Variants in ADGRB3 observed in about 807,000 individuals in gnomAD.
ADGRB3 encodes the protein adhesion G protein-coupled receptor B3, also known as brain-specific angiogenesis inhibitor 3.
A neutral mutation model predicts 193.4 loss-of-function variants in ADGRB3; 37 were observed. The observed-to-expected ratio is 0.19, with a 90% confidence interval of 0.15 to 0.25. The LOEUF (loss-of-function observed/expected upper bound fraction) is 0.25. Among genes scored for constraint, ADGRB3 ranks in the 10% least tolerant of loss-of-function variants. The probability of loss-of-function intolerance (pLI) is 1.00; values close to 1 mark genes in which losing one functional copy is unlikely to be tolerated. For missense variants in ADGRB3, 1,637 were observed against 1,852.9 expected, an observed-to-expected ratio of 0.88 and a Z score of 2.14; for synonymous variants, 690 against 644.2, an observed-to-expected ratio of 1.07 and a Z score of -1.08.
chr6:68,991,480 G>A (rs990482425), intron 10 of ADGRB3, among the ~76,000 whole-genome samples: 1 of 151,862 alleles, frequency 6.6e-6, no homozygotes, highest in African/African-American at 2.4e-5. Context: ...TAGGTAGGAA[G>A]TCAGGTAAGA....
At chr6:69,349,420 G>T (rs1167524388) in intron 26 of ADGRB3, among the ~76,000 whole-genome samples, 1 of 152,162 alleles carries the variant, frequency 6.6e-6, no homozygotes, top group Non-Finnish European at 1.5e-5. Flanking sequence ...CATCTGGAAT[G>T]CATCTTTTTC....
At chr6:69,069,273 T>C (rs1445120119) in intron 16 of ADGRB3, among the ~76,000 whole-genome samples, 2 of 152,076 alleles carry the variant, frequency 1.3e-5, no homozygotes, top group Non-Finnish European at 2.9e-5. Context: ...CATGGTGTTT[T>C]ACTCTTTAAG....
chr6:69,048,317 C>G lies in ADGRB3; in HGVS notation c.2240C>G (p.Thr747Ser), dbSNP rs1159146652. The change falls in exon 14 of 32, where the codon ACT (threonine) becomes AGT (serine). Residue 747 changes from threonine (T) to serine (S), a missense_variant. This residue lies in a region of ADGRB3 where 641 missense variants were observed against 673.9 expected (regional missense o/e 0.95). Transcript: ENST00000370598. ...GTAGTAATTCCAAAAAGCATTTTCA[C>G]TCCGGTGTCATCAAAAGGTAAATAT... ...DRVVIPKSIF[T>S]PVSSKELDES... The G allele has an allele frequency of 7.4e-6, 12 of 1,613,228 alleles. No homozygotes were observed. Among genetic ancestry groups the G allele is most frequent in the Non-Finnish European group, 1.0e-5 (12 of 1,179,598 alleles).
At chr6:68,878,776 A>G (rs1305936910) in intron 3 of ADGRB3, among the ~76,000 whole-genome samples, 2 of 152,186 alleles carry the variant, frequency 1.3e-5, no homozygotes, top group Non-Finnish European at 2.9e-5. Context: ...TTACAAAAGA[A>G]AGAGGTTTAA....
At chr6:69,033,984 C>G (rs1387949930) in intron 13 of ADGRB3, among the ~76,000 whole-genome samples, 2 of 151,872 alleles carry the variant, frequency 1.3e-5, no homozygotes, top group African/African-American at 2.4e-5. Flanking sequence ...GTTATATTCC[C>G]AAATATATAT....
At chr6:69,385,668 A>G (rs887353459) in intron 31 of ADGRB3, among the ~76,000 whole-genome samples, 3 of 152,096 alleles carry the variant, frequency 2.0e-5, no homozygotes, top group Non-Finnish European at 4.4e-5. Flanking sequence ...CAAACACAAA[A>G]CAGCAGCATA....
chr6:68,712,085 T>C (rs1282874462), intron 3 of ADGRB3, among the ~76,000 whole-genome samples: 2 of 152,004 alleles, frequency 1.3e-5, no homozygotes, highest in East Asian at 3.9e-4. Context: ...GAATTAAATC[T>C]CCAAAAATAA....
chr6:69,386,326 G>A (rs1244203610), intron 31 of ADGRB3, among the ~76,000 whole-genome samples: 2 of 151,946 alleles, frequency 1.3e-5, no homozygotes, highest in African/African-American at 4.8e-5. Flanking sequence ...CAAATACTTG[G>A]AATTACATAC....
At chr6:69,059,599 C>T (rs1771660631) in intron 15 of ADGRB3, among the ~76,000 whole-genome samples, 1 of 152,114 alleles carries the variant, frequency 6.6e-6, no homozygotes, top group African/African-American at 2.4e-5. Context: ...GCTGTCAGAT[C>T]TGCTTTTCTA....
intron 9 of ADGRB3, 127 bp downstream of exon 9, chr6:68,974,991 G>C (rs1768700959): frequency 1.2e-6 from 1 of 817,248 alleles, no homozygotes; most frequent in Non-Finnish European, 1.9e-6. Context: ...AGCAAATAAT[G>C]AAACAATTTT....
At chr6:69,190,656 A>G (rs1186515918) in intron 17 of ADGRB3, among the ~76,000 whole-genome samples, 1 of 152,120 alleles carries the variant, frequency 6.6e-6, no homozygotes, top group Non-Finnish European at 1.5e-5. Flanking sequence ...TAAAATCTAC[A>G]GTAGTATAGA....
intron 3 of ADGRB3, among the ~76,000 whole-genome samples, chr6:68,668,936 C>A (rs1290718648): frequency 6.6e-6 from 1 of 151,796 alleles, no homozygotes; most frequent in Non-Finnish European, 1.5e-5. Context: ...GTAATCATCC[C>A]GTAGCATTGT....
chr6:69,204,059 T>G (rs1159667393), intron 17 of ADGRB3, among the ~76,000 whole-genome samples: 1 of 152,148 alleles, frequency 6.6e-6, no homozygotes, highest in Admixed American at 6.6e-5. Context: ...TTTTAATAAC[T>G]GGTATTTACC....
chr6:69,313,061 T>G (rs566350522), intron 20 of ADGRB3, among the ~76,000 whole-genome samples: 1 of 151,890 alleles, frequency 6.6e-6, no homozygotes, highest in Non-Finnish European at 1.5e-5. Context: ...TTTGATAATT[T>G]GCACAAGGTC....
intron 3 of ADGRB3, among the ~76,000 whole-genome samples, chr6:68,784,112 T>G (rs147888015): frequency 5.3e-5 from 8 of 152,242 alleles, no homozygotes; most frequent in Admixed American, 2.6e-4. Context: ...TATACTTTAT[T>G]ATAAAACTTT....
At chr6:68,847,541 T>C (rs1222718972) in intron 3 of ADGRB3, among the ~76,000 whole-genome samples, 2 of 152,152 alleles carry the variant, frequency 1.3e-5, no homozygotes, top group Non-Finnish European at 2.9e-5. Context: ...TCTCACAAGA[T>C]CTAATGGGTT....
chr6:69,145,158 C>T (rs1409416126), intron 17 of ADGRB3, among the ~76,000 whole-genome samples: 1 of 152,128 alleles, frequency 6.6e-6, no homozygotes, highest in African/African-American at 2.4e-5. Context: ...GCATACTCGG[C>T]TTGCACTTCT....
In ADGRB3 at chr6:69,283,438, G is replaced by A. The variant is rs904606142; in HGVS notation, c.2815-41434G>A. ...ACAGTTGCCATATTTTTGGGTAGAG[G>A]CCTTTCCACTCTTGGATAGGGGAAG... is the stretch of plus-strand genomic sequence containing the variant. On this transcript the variant is annotated intron_variant, in intron 20 of 31. Transcript: ENST00000370598. 2.0e-5 allele frequency among the ~76,000 whole-genome samples: 3 copies of A among 152,010 alleles called. No individual in the cohort carries two copies. In the South Asian group the frequency reaches 6.2e-4, roughly 32 times the overall value.
chr6:69,111,766 G>A (rs1252050199), intron 17 of ADGRB3, among the ~76,000 whole-genome samples: 2 of 152,152 alleles, frequency 1.3e-5, no homozygotes, highest in Non-Finnish European at 2.9e-5. Context: ...TTTCACCTTA[G>A]ACTTGTGAAA....
Sources: allele counts gnomAD v4.1 joint callset (sites outside exome capture counted in the v4.1 genomes callset), GRCh38; gene constraint gnomAD v4.1.1; regional missense constraint gnomAD v4.1.1; transcripts MANE v1.5; gene names NCBI Gene and HGNC (gene_info 2026-07-23, HGNC 2026-07-21).